The following KIDINS220 variants were observed in gnomAD, a reference collection of about 807,000 sequenced individuals.
KIDINS220 encodes the protein kinase D interacting substrate 220.
In KIDINS220, 63 loss-of-function variants were observed where a neutral mutation model predicts 157.6. The ratio of observed to expected loss-of-function variants is 0.40; its 90% CI spans 0.33 to 0.49. The LOEUF (loss-of-function observed/expected upper bound fraction) is 0.49. KIDINS220 is among the 20% of genes least tolerant of loss of function. KIDINS220 has a pLI of 0.66. For missense variants in KIDINS220, 1,772 were observed against 2,171.2 expected (o/e 0.82, Z 3.65); for synonymous variants, 732 against 783.6 (o/e 0.93, Z 1.10).
At chr2:8,754,380 A>T (rs1217694208) in intron 22 of KIDINS220, among the ~76,000 whole-genome samples, 2 of 152,214 alleles carry the variant, frequency 1.3e-5, no homozygotes, top group African/African-American at 4.8e-5. Flanking sequence ...GGCCATCAAA[A>T]TCATATGTGC....
chr2:8,747,310 G>C, intron 25 of KIDINS220, 109 bp from the exon 26 acceptor site: 1 of 946,202 alleles, frequency 1.1e-6, no homozygotes, highest in South Asian at 1.4e-5. Context: ...AAACTCAACA[G>C]TTTATGTTTT....
intron 21 of KIDINS220, among the ~76,000 whole-genome samples, chr2:8,774,502 T>A (rs1670697200): frequency 6.6e-6 from 1 of 152,028 alleles, no homozygotes; most frequent in African/African-American, 2.4e-5. Flanking sequence ...AAGATGTCAT[T>A]TTATACGAGA....
At chr2:8,728,472 T>C (rs1247414549), downstream of KIDINS220, among the ~76,000 whole-genome samples, 2 of 152,190 alleles carry the variant, frequency 1.3e-5, no homozygotes, top group African/African-American at 2.4e-5. Context: ...TGTGTGAGAA[T>C]CAGACTGAGC....
chr2:8,750,029 A>G, intron 24 of KIDINS220, 83 bp downstream of exon 24: 1 of 1,229,626 alleles, frequency 8.1e-7, no homozygotes, highest in Non-Finnish European at 1.1e-6. Context: ...ACAGCTTTAA[A>G]ACCAAAACAG....
chr2:8,768,348 T>A (rs1204818383), intron 22 of KIDINS220, among the ~76,000 whole-genome samples: 1 of 152,162 alleles, frequency 6.6e-6, no homozygotes, highest in Non-Finnish European at 1.5e-5. Context: ...CCATCTTGAA[T>A]GAACAGTGTG....
intron 22 of KIDINS220, 126 bp from the exon 23 acceptor site, chr2:8,751,770 A>G: frequency 1.5e-6 from 1 of 652,086 alleles, no homozygotes; most frequent in Admixed American, 3.0e-5. Flanking sequence ...GTCTAATTAC[A>G]CATCGGCTCA....
intron 2 of KIDINS220, among the ~76,000 whole-genome samples, chr2:8,820,368 T>A (rs925489892): frequency 6.6e-6 from 1 of 152,198 alleles, no homozygotes; most frequent in Non-Finnish European, 1.5e-5. Flanking sequence ...TGAGGGACAG[T>A]GGCTGCCACA....
intron 7 of KIDINS220, among the ~76,000 whole-genome samples, chr2:8,805,663 C>T (rs977614798): frequency 2.6e-5 from 4 of 152,098 alleles, no homozygotes; most frequent in Non-Finnish European, 5.9e-5. Context: ...CGGACAAAAA[C>T]CAAAATATGC....
chr2:8,827,024 G>A lies in KIDINS220; in HGVS notation c.70C>T (p.Leu24Phe), dbSNP rs758351945. 1.2e-6 allele frequency: 2 copies of A among 1,609,904 alleles called. No homozygotes were observed. Among genetic ancestry groups the A allele is most frequent in the South Asian group, 2.2e-5 (2 of 90,618 alleles). The change falls in exon 2 of 30, where the codon CTT (leucine) becomes TTT (phenylalanine). Residue 24 changes from leucine to phenylalanine, a missense_variant. Physicochemically the swap from Leu to Phe is conservative, Grantham distance 22 (BLOSUM62 0). Coordinates refer to ENST00000256707, the MANE Select transcript of KIDINS220 (RefSeq NM_020738.4). ...EEENIPALKALLEKCKDVDER... is the reference protein window; with the variant it reads ...EEENIPALKAFLEKCKDVDER... ...TCTACATCTTTGCATTTTTCAAGAA[G>A]AGCTTTCAGAGCAGGAATGTTTTCT...
chr2:8,722,554 C>T (rs991473014), downstream of KIDINS220: 2 of 152,168 alleles, frequency 1.3e-5, no homozygotes, highest in Non-Finnish European at 2.9e-5. Context: ...GTTCCTGTTA[C>T]CACTGTTCTG....
intron 1 of KIDINS220, 78 bp from the exon 2 acceptor site, chr2:8,827,207 C>T (rs1471220775): frequency 6.9e-6 from 4 of 575,586 alleles, no homozygotes; most frequent in Non-Finnish European, 9.0e-6. Context: ...TCCTTCTTAA[C>T]ATTAACCTCA....
downstream of KIDINS220, among the ~76,000 whole-genome samples, chr2:8,728,663 C>T (rs183445999): frequency 7.2e-5 from 11 of 152,330 alleles, no homozygotes; most frequent in Admixed American, 3.9e-4. Context: ...TCTACAGGAA[C>T]GCACTGCACA....
chr2:8,727,579 A>G (rs1663453173), downstream of KIDINS220, among the ~76,000 whole-genome samples: 1 of 152,232 alleles, frequency 6.6e-6, no homozygotes. Flanking sequence ...ATTCAAAAAA[A>G]TATCTTCTAA....
At chr2:8,820,067 T>C (rs978935641) in intron 2 of KIDINS220, among the ~76,000 whole-genome samples, 4 of 152,172 alleles carry the variant, frequency 2.6e-5, no homozygotes, top group Admixed American at 2.0e-4. Flanking sequence ...TGTTTTCCCA[T>C]AGTTCTTCTG....
rs767932978 is a variant in KIDINS220, at chr2:8,789,892, A to T, written c.1609T>A (p.Tyr537Asn). The change falls in exon 14 of 30, where the codon TAT becomes AAT. Residue 537 changes from tyrosine (Y) to asparagine (N), a missense_variant. By Grantham distance (143) the Tyr-to-Asn change is moderately radical. Transcript: ENST00000256707. ...AGCAAAGACTTACTAAAGAATATATATAAGAGAGCCAAGAAGCTCAGTGAC... is the reference window on the plus strand; with the variant it reads ...AGCAAAGACTTACTAAAGAATATATTTAAGAGAGCCAAGAAGCTCAGTGAC... ...AVSLSFLALL[Y>N]IFFIVIYFGG... 1 of 1,607,788 alleles carries T rather than the reference A, an allele frequency of 6.2e-7. No homozygotes were observed. The highest frequency in any genetic ancestry group is 2.2e-5 in the East Asian group (1 of 44,814).
At chr2:8,804,022 C>A (rs565057215) in intron 7 of KIDINS220, among the ~76,000 whole-genome samples, 2 of 152,206 alleles carry the variant, frequency 1.3e-5, no homozygotes, top group Non-Finnish European at 2.9e-5. Context: ...AATAACACAG[C>A]CTTTTCAAAT....
chr2:8,815,992 G>A (rs1677030264), intron 4 of KIDINS220, among the ~76,000 whole-genome samples: 1 of 151,846 alleles, frequency 6.6e-6, no homozygotes, highest in South Asian at 2.1e-4. Context: ...TAGTTACTTG[G>A]GTAGTTACTA....
At chr2:8,785,590 C>A (rs1303738905) in intron 17 of KIDINS220, 151 bp downstream of exon 17, 2 of 751,496 alleles carry the variant, frequency 2.7e-6, no homozygotes, top group Middle Eastern at 3.5e-4. Flanking sequence ...AAATTATAGT[C>A]TTGAATGAAC....
Position 8,751,641 on chromosome 2 carries a change from T to G in KIDINS220, c.3015A>C (p.Ile1005=). The change falls in exon 23 of 30, where the codon ATA becomes ATC. Residue 1005 remains isoleucine (I), a synonymous_variant. Coordinates refer to ENST00000256707, the MANE Select transcript of KIDINS220 (RefSeq NM_020738.4). ...QMTLKTIYER[I]SKNIPTTKDV... ...CCTTAGTTGTTGGAATATTCTTTGA[T>G]ATTCTTCAAATAAGAAATCAATGAA... is the stretch of plus-strand genomic sequence containing the variant. The G allele has an allele frequency of 6.3e-7, 1 of 1,578,460 alleles. No homozygotes were observed. The highest frequency in any genetic ancestry group is 8.6e-7 in the Non-Finnish European group (1 of 1,157,760).
Sources: gnomAD v4.1 joint callset for allele counts (sites outside exome capture counted in the v4.1 genomes callset) on GRCh38, gnomAD v4.1.1 for gene constraint, MANE v1.5 for transcripts, NCBI Gene and HGNC (gene_info 2026-07-23, HGNC 2026-07-21) for gene names.